NLGN4X: variants seen among roughly 807,000 people sequenced by gnomAD.
NLGN4X encodes the protein neuroligin-4, X-linked.
Under a neutral mutation model 40.3 loss-of-function variants are expected in NLGN4X, and 3 were observed. The ratio of observed to expected loss-of-function variants is 0.07; its 90% CI spans 0.03 to 0.19. NLGN4X has a LOEUF of 0.19. NLGN4X is among the 10% of genes least tolerant of loss of function. NLGN4X has a pLI of 1.00. For synonymous variants in NLGN4X, 270 were observed against 306.8 expected (o/e 0.88, Z 1.25); for missense variants, 382 against 708.3 (o/e 0.54, Z 5.23).
At chrX:6,145,085 A>C (rs899009153) in intron 2 of NLGN4X, among the ~76,000 whole-genome samples, 4 of 111,474 alleles carry the variant, frequency 3.6e-5, no homozygotes, top group Non-Finnish European at 7.5e-5. Flanking sequence ...CAGTGAAGTG[A>C]AGTAGTGCCT....
chrX:6,144,853 T>C (rs900527927), intron 2 of NLGN4X, among the ~76,000 whole-genome samples: 3 of 111,249 alleles, frequency 2.7e-5, no homozygotes, highest in Non-Finnish European at 5.6e-5. Flanking sequence ...GGCAGAGTAT[T>C]GAAGAAGTCA....
chrX:6,180,998 G>A (rs767395390), intron 1 of NLGN4X, among the ~76,000 whole-genome samples: 6 of 111,092 alleles, frequency 5.4e-5, no homozygotes, highest in East Asian at 2.9e-4. Context: ...TATTGCATTC[G>A]GAGGCACCAA....
intron 3 of NLGN4X, among the ~76,000 whole-genome samples, chrX:5,964,758 A>G (rs1212012453): frequency 9.0e-6 from 1 of 111,546 alleles, no homozygotes; most frequent in Non-Finnish European, 1.9e-5. Context: ...GCCTCAAATG[A>G]TCCTCCTGCC....
chrX:5,903,279 T>C lies in NLGN4X; in HGVS notation c.1399A>G (p.Thr467Ala). ...ADLHAQYGSP[T>A]YFYAFYHHCQ... ...TGATGATAGAAGGCATAGAAGTAGG[T>C]GGGGGAGCCGTACTGCGCGTGCAGG... is the stretch of plus-strand genomic sequence containing the variant. The change falls in exon 5 of 6, where the codon ACC (threonine) becomes GCC (alanine). Residue 467 changes from threonine to alanine, a missense_variant. Around this residue, in one of 5 missense-constraint regions of NLGN4X, gnomAD observed 149 missense variants for 375.8 expected, o/e 0.40. Coordinates refer to ENST00000381095, the MANE Select transcript of NLGN4X (RefSeq NM_181332.3). 8.3e-7 allele frequency: 1 copy of C among 1,210,271 alleles called. No homozygotes were observed. Among genetic ancestry groups the C allele is most frequent in the Non-Finnish European group, 1.1e-6 (1 of 895,097 alleles).
At chrX:6,191,842 G>A (rs948569160) in intron 1 of NLGN4X, among the ~76,000 whole-genome samples, 29 of 111,870 alleles carry the variant, frequency 2.6e-4, no homozygotes, top group African/African-American at 8.8e-4. Flanking sequence ...CTGGATGAAA[G>A]AGCGAGATTC....
intron 5 of NLGN4X, among the ~76,000 whole-genome samples, chrX:5,897,758 T>C (rs1400490557): frequency 8.9e-6 from 1 of 112,313 alleles, no homozygotes; most frequent in African/African-American, 3.2e-5. Flanking sequence ...GACTTCCTCC[T>C]CATTTCTACT....
chrX:6,146,568 A>G (rs769193523), intron 2 of NLGN4X, among the ~76,000 whole-genome samples: 1 of 111,120 alleles, frequency 9.0e-6, no homozygotes, highest in African/African-American at 3.3e-5. Context: ...CAACAATCAT[A>G]GCAAGCTTAC....
chrX:6,109,077 T>C (rs1256546572), intron 2 of NLGN4X, among the ~76,000 whole-genome samples: 1 of 111,487 alleles, frequency 9.0e-6, no homozygotes, highest in African/African-American at 3.3e-5. Context: ...ATCTGGGCAA[T>C]ACACTGAGAT....
Position 5,968,457 on chromosome X carries a change from C to CTCTCTGTGTGTG in NLGN4X, c.626-59219_626-59218insCACACACAGAGA, listed in dbSNP as rs1192942244. Among the ~76,000 whole-genome samples, 15 of 47,014 alleles carry CTCTCTGTGTGTG rather than the reference C, an allele frequency of 3.2e-4. No homozygotes were observed. The East Asian group carries it at 5.4e-3, about 17-fold the overall frequency. 40.8% of individuals were successfully genotyped at this position (47,014 alleles called of 115,157 possible). ...AGTACCCCTCTCTCTCTCTCTCTCT[C>CTCTCTGTGTGTG]TGTGTGTGTGTGTGTGTGTGTGTGT... On this transcript the variant is annotated intron_variant, in intron 3 of 5. Transcript: ENST00000381095.
At chrX:5,940,789 G>A (rs746850005) in intron 3 of NLGN4X, among the ~76,000 whole-genome samples, 1 of 109,977 alleles carries the variant, frequency 9.1e-6, no homozygotes, top group Non-Finnish European at 1.9e-5. Context: ...CTGACATAGC[G>A]TAAGTCAATG....
intron 3 of NLGN4X, among the ~76,000 whole-genome samples, chrX:5,919,413 G>T (rs774236973): frequency 9.0e-6 from 1 of 111,631 alleles, no homozygotes; most frequent in Non-Finnish European, 1.9e-5. Flanking sequence ...AGTCAAGTCC[G>T]TGTTACTGCA....
At position 6,094,419 on chromosome X, in the gene NLGN4X, C is replaced by G. The variant is rs759031596; in HGVS notation, c.472+56576G>C. Among the ~76,000 whole-genome samples, 5 of 110,613 alleles carry G rather than the reference C, an allele frequency of 4.5e-5. No homozygotes were observed. In the East Asian group the frequency reaches 1.4e-3, roughly 32 times the overall value. On this transcript the variant is annotated intron_variant, in intron 2 of 5. Transcript: ENST00000381095. ...TGGGACCAGCTTCTCTATTCATATG[C>G]ACTTCTGGCTTCTGGACTCTCTATT...
chrX:6,074,139 A>G (rs757938756), intron 2 of NLGN4X, among the ~76,000 whole-genome samples: 1 of 111,437 alleles, frequency 9.0e-6, no homozygotes, highest in Non-Finnish European at 1.9e-5. Flanking sequence ...TCAGCTCATC[A>G]GGAAGGCTGC....
intron 3 of NLGN4X, among the ~76,000 whole-genome samples, chrX:5,934,085 C>G (rs1160968756): frequency 9.0e-6 from 1 of 111,608 alleles, no homozygotes; most frequent in Admixed American, 9.6e-5. Context: ...AACCATGAGT[C>G]TACTCTCTGT....
intron 3 of NLGN4X, among the ~76,000 whole-genome samples, chrX:5,938,112 G>A (rs779991489): frequency 2.7e-5 from 3 of 111,676 alleles, no homozygotes; most frequent in Non-Finnish European, 3.8e-5. Flanking sequence ...TTTTGAGTGT[G>A]TGTATACATT....
At chrX:6,075,639 C>CTGAATTCT (rs2038176613) in intron 2 of NLGN4X, among the ~76,000 whole-genome samples, 1 of 111,056 alleles carries the variant, frequency 9.0e-6, no homozygotes, top group Non-Finnish European at 1.9e-5. Flanking sequence ...GCAGTAATGA[C>CTGAATTCT]TGAATTCTTG....
At chrX:6,032,407 A>C (rs2036889987) in intron 2 of NLGN4X, among the ~76,000 whole-genome samples, 1 of 93,809 alleles carries the variant, frequency 1.1e-5, no homozygotes, top group Non-Finnish European at 2.0e-5. Context: ...GACCAAGCCA[A>C]AAAAAAAAAA....
intron 2 of NLGN4X, among the ~76,000 whole-genome samples, chrX:6,110,638 T>C (rs1481349699): frequency 9.0e-6 from 1 of 111,637 alleles, no homozygotes; most frequent in Non-Finnish European, 1.9e-5. Flanking sequence ...GAAGTGTCCC[T>C]CTCACTAGGA....
At chrX:5,981,015 G>A (rs888930242) in intron 3 of NLGN4X, among the ~76,000 whole-genome samples, 1 of 111,193 alleles carries the variant, frequency 9.0e-6, no homozygotes, top group Non-Finnish European at 1.9e-5. Context: ...TAACAATATT[G>A]TATCTTCTCA....
Sources: gnomAD v4.1 joint callset for allele counts (sites outside exome capture counted in the v4.1 genomes callset) on GRCh38, gnomAD v4.1.1 for gene constraint, gnomAD v4.1.1 regional missense constraint, MANE v1.5 for transcripts, NCBI Gene and HGNC (gene_info 2026-07-23, HGNC 2026-07-21) for gene names.